The following AADAT variants were observed in gnomAD, a reference collection of about 807,000 sequenced individuals.
AADAT encodes kynurenine/alpha-aminoadipate aminotransferase, mitochondrial.
A neutral mutation model predicts 56.2 loss-of-function variants in AADAT; 25 were observed. The observed-to-expected ratio is 0.44, with a 90% CI of 0.32 to 0.62. The LOEUF is 0.62. Among genes scored for constraint, AADAT ranks in the 20% least tolerant of loss-of-function variants. The probability of loss-of-function intolerance (pLI) is 0.04; values close to 1 mark genes in which losing one functional copy is unlikely to be tolerated. For synonymous variants in AADAT, 173 were observed against 164.7 expected, an observed-to-expected ratio of 1.05 and a Z score of -0.39; for missense variants, 387 against 510.5, an observed-to-expected ratio of 0.76 and a Z score of 2.33.
chr4:170,090,113 C>G (rs1458308222), upstream of AADAT: 1 of 152,216 alleles, frequency 6.6e-6, no homozygotes, highest in Non-Finnish European at 1.5e-5. Flanking sequence ...AGGCGCGAGG[C>G]GCTTGCAGCC....
At chr4:170,062,127 C>T (rs528047884) in intron 11 of AADAT, 134 bp from the exon 12 acceptor site, 5 of 493,772 alleles carry the variant, frequency 1.0e-5, no homozygotes, top group Non-Finnish European at 1.4e-5. Flanking sequence ...AGAAAAAATA[C>T]TAATTTATAT....
At chr4:170,061,670 T>G (rs541139684) in intron 12 of AADAT, among the ~76,000 whole-genome samples, 1 of 152,250 alleles carries the variant, frequency 6.6e-6, no homozygotes, top group Non-Finnish European at 1.5e-5. Context: ...ACATTATTCA[T>G]GCAGACAATA....
At position 170,067,153 on chromosome 4, in the gene AADAT, T is replaced by C. The variant is rs560986612; in HGVS notation, c.962+174A>G. 1.4e-4 allele frequency among the ~76,000 whole-genome samples: 22 copies of C among 152,348 alleles called. No individual in the cohort carries two copies. In the South Asian group the frequency reaches 4.6e-3, roughly 32 times the overall value. ...CACCTTGGATGCTGAGAAGACTTGC[T>C]AGGTGAAGAACTAACAAAATGAATA... On this transcript the variant is annotated intron_variant, in intron 9 of 12. Coordinates refer to ENST00000337664, the MANE Select transcript of AADAT (RefSeq NM_016228.4).
At chr4:170,068,793 A>G in intron 7 of AADAT, 106 bp from the exon 8 acceptor site, 2 of 696,678 alleles carry the variant, frequency 2.9e-6, no homozygotes, top group Non-Finnish European at 4.7e-6. Flanking sequence ...GGACAAAAGG[A>G]TCTAGATAAT....
intron 5 of AADAT, among the ~76,000 whole-genome samples, chr4:170,071,862 G>A (rs1246969366): frequency 6.6e-6 from 1 of 152,138 alleles, no homozygotes; most frequent in East Asian, 1.9e-4. Context: ...GGGCAAAGGA[G>A]GGAACGACAG....
intron 2 of AADAT, 102 bp downstream of exon 2, chr4:170,088,294 G>T (rs1383948658): frequency 1.9e-5 from 24 of 1,239,294 alleles, no homozygotes; most frequent in Non-Finnish European, 2.3e-5. Context: ...GAATATTTAT[G>T]AATGGACCTT....
At chr4:170,083,485 A>T (rs753657135) in intron 3 of AADAT, among the ~76,000 whole-genome samples, 4 of 152,142 alleles carry the variant, frequency 2.6e-5, no homozygotes, top group Non-Finnish European at 4.4e-5. Context: ...AGAACAACCT[A>T]CAGGAGAGGA....
Position 170,087,267 on chromosome 4 carries a change from A to C in AADAT, c.237-19T>G, listed in dbSNP as rs371108233. ...TGGAATTCTAAAGCAAAAAATGTAT[A>C]TTTAAATTCATAGTAGTAAAAATCA... is the stretch of plus-strand genomic sequence containing the variant. On this transcript the variant is annotated intron_variant, in intron 2 of 12. Transcript: ENST00000337664. The C allele has an allele frequency of 4.1e-5, 66 of 1,602,938 alleles. No individual in the cohort carries two copies. Among genetic ancestry groups the C allele is most frequent in the Non-Finnish European group, 4.9e-5 (58 of 1,173,046 alleles).
Position 170,073,269 on chromosome 4 carries a change from A to G in AADAT, c.521T>C (p.Ile174Thr), listed in dbSNP as rs1304930129. Residue 174 changes from isoleucine to threonine, a missense_variant, in exon 5 of 13, where the codon ATA becomes ACA. By Grantham distance (89) the Ile-to-Thr change is moderately conservative. Transcript: ENST00000337664. ...ATCTTCTGGTTTCCATCTGGAAAGT[A>G]TGTCTCTTAGGGAATCTGGAACAAT... Reference protein sequence around the residue: ...SGIVPDSLRDILSRWKPEDAK... With the variant: ...SGIVPDSLRDTLSRWKPEDAK... The G allele has an allele frequency of 1.2e-6, 2 of 1,614,090 alleles. No homozygotes were observed. The highest frequency in any genetic ancestry group is 2.2e-5 in the South Asian group (2 of 91,082).
At chr4:170,092,785 G>A (rs1732906298), upstream of AADAT, among the ~76,000 whole-genome samples, 1 of 152,228 alleles carries the variant, frequency 6.6e-6, no homozygotes, top group Non-Finnish European at 1.5e-5. Flanking sequence ...GCAGTGGTCT[G>A]CACGTTGTAA....
At chr4:170,072,326 G>C (rs1464493664) in intron 5 of AADAT, among the ~76,000 whole-genome samples, 9 of 151,628 alleles carry the variant, frequency 5.9e-5, no homozygotes, top group Non-Finnish European at 1.2e-4. Flanking sequence ...TTTAGAGTTG[G>C]GGTCTTGCTA....
chr4:170,088,116 G>A (rs1184118992), intron 2 of AADAT, among the ~76,000 whole-genome samples: 1 of 151,590 alleles, frequency 6.6e-6, no homozygotes, highest in Non-Finnish European at 1.5e-5. Flanking sequence ...GGTCATTTGC[G>A]ATTGAGAAGC....
chr4:170,078,932 G>C (rs1231008716), intron 3 of AADAT, among the ~76,000 whole-genome samples: 2 of 152,140 alleles, frequency 1.3e-5, no homozygotes, highest in African/African-American at 2.4e-5. Context: ...ACAGAGGTTT[G>C]GCTGCTAACA....
chr4:170,067,424 C>A (rs1282240573), intron 8 of AADAT, 36 bp from the exon 9 acceptor site: 1 of 1,566,336 alleles, frequency 6.4e-7, no homozygotes, highest in Non-Finnish European at 8.7e-7. Context: ...CATGTTTCAT[C>A]CCCTGAAAAT....
intron 3 of AADAT, among the ~76,000 whole-genome samples, chr4:170,081,934 T>C (rs1581592254): frequency 2.0e-5 from 3 of 152,276 alleles, no homozygotes; most frequent in African/African-American, 2.4e-5. Context: ...TCAAATATGA[T>C]GGAGAGATAA....
chr4:170,086,703 G>A, intron 3 of AADAT, among the ~76,000 whole-genome samples: 1 of 152,064 alleles, frequency 6.6e-6, no homozygotes, highest in Admixed American at 6.6e-5. Flanking sequence ...TCCCTTAGTG[G>A]GCATCCTGCT....
At chr4:170,083,146 A>G (rs996622059) in intron 3 of AADAT, among the ~76,000 whole-genome samples, 5 of 151,908 alleles carry the variant, frequency 3.3e-5, no homozygotes, top group African/African-American at 1.2e-4. Context: ...CTTAGGCTAT[A>G]AAACAAGTCT....
chr4:170,071,512 C>T (rs938479322), intron 5 of AADAT, among the ~76,000 whole-genome samples: 3 of 152,250 alleles, frequency 2.0e-5, no homozygotes, highest in East Asian at 1.9e-4. Context: ...GAGAACAGAC[C>T]GACCGTGTTA....
chr4:170,070,162 T>C (rs1002470158), intron 6 of AADAT, among the ~76,000 whole-genome samples: 2 of 151,992 alleles, frequency 1.3e-5, no homozygotes, highest in Non-Finnish European at 2.9e-5. Context: ...CACGGCTTCC[T>C]AATCCTTCTC....
Sources: gnomAD v4.1 joint callset for allele counts (sites outside exome capture counted in the v4.1 genomes callset) on GRCh38, gnomAD v4.1.1 for gene constraint, MANE v1.5 for transcripts, NCBI Gene and HGNC (gene_info 2026-07-23, HGNC 2026-07-21) for gene names.